Variants in CD2AP observed in about 807,000 individuals in gnomAD.
CD2AP encodes CD2 associated protein.
CD2AP carries 46 observed loss-of-function variants against 85.1 expected under a neutral mutation model. That is an observed-to-expected ratio of 0.54 (90% confidence interval 0.43 to 0.69). The LOEUF (loss-of-function observed/expected upper bound fraction) is 0.69. Among genes scored for constraint, CD2AP ranks in the 30% least tolerant of loss-of-function variants. The probability of loss-of-function intolerance (pLI) is 0.00; values close to 1 mark genes in which losing one functional copy is unlikely to be tolerated. For synonymous variants in CD2AP, 255 were observed against 252.9 expected, an observed-to-expected ratio of 1.01 and a Z score of -0.08; for missense variants, 769 against 729.5, an observed-to-expected ratio of 1.05 and a Z score of -0.62.
At position 47,541,225 on chromosome 6, in the gene CD2AP, G is replaced by T. The variant is rs1405951731; in HGVS notation, c.320-3381G>T. Among the ~76,000 whole-genome samples the T allele has an allele frequency of 2.6e-5, 4 of 152,270 alleles. No homozygotes were observed. In the East Asian group the frequency reaches 7.7e-4, roughly 29 times the overall value. On this transcript the variant is annotated intron_variant, in intron 3 of 17. Transcript: ENST00000359314. ...TGCAAGCTCCGCTTCCCAGGTTCAT[G>T]CCATCCTCCTGCCTCAGCCTCCTGA...
intron 2 of CD2AP, among the ~76,000 whole-genome samples, chr6:47,529,945 C>T (rs796379051): frequency 5.9e-5 from 9 of 152,316 alleles, no homozygotes; most frequent in African/African-American, 2.2e-4. Flanking sequence ...TGTCTTCATT[C>T]CTCAGAAGCT....
intron 15 of CD2AP, among the ~76,000 whole-genome samples, 196 bp downstream of exon 15, chr6:47,608,224 A>G (rs984752032): frequency 2.0e-5 from 3 of 152,184 alleles, no homozygotes; most frequent in African/African-American, 7.2e-5. Context: ...TTACATTTTA[A>G]TTGAATAAAA....
intron 5 of CD2AP, among the ~76,000 whole-genome samples, chr6:47,563,551 G>T (rs1388933890): frequency 6.6e-6 from 1 of 152,122 alleles, no homozygotes; most frequent in East Asian, 1.9e-4. Flanking sequence ...GCAGGGTGGG[G>T]ATATGTAATT....
At chr6:47,614,252 C>T (rs940351741) in intron 17 of CD2AP, among the ~76,000 whole-genome samples, 5 of 152,214 alleles carry the variant, frequency 3.3e-5, no homozygotes, top group African/African-American at 1.2e-4. Flanking sequence ...AATCTCTTGA[C>T]CTGCTGTGGC....
In CD2AP at chr6:47,596,006, T is replaced by A; in HGVS notation, c.1254T>A (p.Pro418=). ...CAAAGCGACCTGAAAAACCAGTTCC[T>A]CCACCACCTCCTATAGCCAAGTAAG... ...VYPKRPEKPV[P]PPPPIAKING... is the part of the protein sequence containing the mutation. The change falls in exon 12 of 18, where the codon CCT becomes CCA. Residue 418 remains proline, a synonymous_variant. Transcript: ENST00000359314. 6.2e-7 allele frequency: 1 copy of A among 1,612,312 alleles called. No homozygotes were observed. Among genetic ancestry groups the A allele is most frequent in the Non-Finnish European group, 8.5e-7 (1 of 1,178,590 alleles).
At chr6:47,583,292 T>A (rs893603427) in intron 11 of CD2AP, among the ~76,000 whole-genome samples, 6 of 152,200 alleles carry the variant, frequency 3.9e-5, no homozygotes, top group Non-Finnish European at 7.3e-5. Flanking sequence ...GTCCATAGTT[T>A]CCTTTAGTGT....
chr6:47,574,121 C>A lies in CD2AP; in HGVS notation c.599C>A (p.Thr200Asn). ...PIPSLGNVSE[T>N]ASGSVTQPKK... Reference sequence around the variant, plus strand: ...CCTTCTCTGGGAAATGTGAGTGAAACTGCATCTGGATCAGTTACACAGCCA... The same window carrying A: ...CCTTCTCTGGGAAATGTGAGTGAAAATGCATCTGGATCAGTTACACAGCCA... The change falls in exon 6 of 18, where the codon ACT becomes AAT. Residue 200 changes from threonine (T) to asparagine (N), a missense_variant. Physicochemically the swap from Thr to Asn is moderately conservative, Grantham distance 65. Coordinates refer to ENST00000359314, the MANE Select transcript of CD2AP (RefSeq NM_012120.3). The A allele has an allele frequency of 6.2e-7, 1 of 1,613,966 alleles. No homozygotes were observed. Among genetic ancestry groups the A allele is most frequent in the Non-Finnish European group, 8.5e-7 (1 of 1,179,920 alleles).
At chr6:47,574,276 T>G in intron 6 of CD2AP, 25 bp downstream of exon 6, 4 of 1,577,064 alleles carry the variant, frequency 2.5e-6, no homozygotes, top group Non-Finnish European at 3.5e-6. Flanking sequence ...CTTGTTAGAT[T>G]AACTCCACTC....
At chr6:47,549,091 A>G (rs111957082) in intron 4 of CD2AP, among the ~76,000 whole-genome samples, 2,703 of 152,302 alleles carry the variant, frequency 0.018, 35 homozygotes, top group Non-Finnish European at 0.029. Context: ...ACCACAGCCA[A>G]CATAATACTG....
intron 4 of CD2AP, 88 bp from the exon 5 acceptor site, chr6:47,554,558 G>A: frequency 1.4e-6 from 2 of 1,397,890 alleles, no homozygotes; most frequent in Non-Finnish European, 1.0e-6. Context: ...TTTTGTGCCT[G>A]TTTGCTTTTG....
chr6:47,480,213 A>C (rs1251074898), intron 1 of CD2AP, among the ~76,000 whole-genome samples: 1 of 152,190 alleles, frequency 6.6e-6, no homozygotes, highest in Non-Finnish European at 1.5e-5. Context: ...ACATTTCCAT[A>C]TCAATATATA....
chr6:47,592,897 T>A (rs1768841006), intron 11 of CD2AP, among the ~76,000 whole-genome samples: 1 of 152,178 alleles, frequency 6.6e-6, no homozygotes, highest in Non-Finnish European at 1.5e-5. Context: ...TCCTGAGTTC[T>A]GTGAGCTCTT....
intron 2 of CD2AP, among the ~76,000 whole-genome samples, chr6:47,524,220 GA>G (rs749639056): frequency 6.6e-6 from 1 of 152,100 alleles, no homozygotes; most frequent in African/African-American, 2.4e-5. Flanking sequence ...CACTACTGTA[GA>G]AATAAGGTAA....
At chr6:47,539,310 G>C (rs1767141339) in intron 3 of CD2AP, among the ~76,000 whole-genome samples, 1 of 152,204 alleles carries the variant, frequency 6.6e-6, no homozygotes, top group Admixed American at 6.5e-5. Context: ...AGGTAATTTT[G>C]TACTGGGGTT....
At chr6:47,532,547 C>T (rs186916836) in intron 2 of CD2AP, among the ~76,000 whole-genome samples, 73 of 152,026 alleles carry the variant, frequency 4.8e-4, no homozygotes, top group African/African-American at 1.6e-3. Flanking sequence ...TTCCATCTTT[C>T]CTCATTTTTT....
intron 17 of CD2AP, among the ~76,000 whole-genome samples, chr6:47,614,893 G>A (rs761783895): frequency 1.3e-5 from 2 of 152,130 alleles, no homozygotes; most frequent in Non-Finnish European, 2.9e-5. Flanking sequence ...AAACTTAAGA[G>A]TTTATCTTAA....
rs1158370658 is a variant in CD2AP, at chr6:47,565,929, T to A, written c.542-8135T>A. Among the ~76,000 whole-genome samples the A allele has an allele frequency of 2.0e-5, 3 of 152,290 alleles. No homozygotes were observed. The East Asian group carries it at 5.8e-4, about 29-fold the overall frequency. On this transcript the variant is annotated intron_variant, in intron 5 of 17. Coordinates refer to ENST00000359314, the MANE Select transcript of CD2AP (RefSeq NM_012120.3). Reference sequence around the variant, plus strand: ...TTTAAAATGGCTACAAATCCCTCTATGATCTGGCATCCCCATATCCCTCCC... The same window carrying A: ...TTTAAAATGGCTACAAATCCCTCTAAGATCTGGCATCCCCATATCCCTCCC...
At chr6:47,513,362 T>G (rs1199141292) in intron 2 of CD2AP, among the ~76,000 whole-genome samples, 2 of 152,152 alleles carry the variant, frequency 1.3e-5, no homozygotes, top group Non-Finnish European at 2.9e-5. Context: ...TTGGGCAGTC[T>G]AAGTTATTGC....
intron 1 of CD2AP, among the ~76,000 whole-genome samples, chr6:47,483,662 T>G (rs1384551513): frequency 6.6e-6 from 1 of 152,222 alleles, no homozygotes; most frequent in Non-Finnish European, 1.5e-5. Context: ...TAGCTGAATC[T>G]GTAAGTGTGG....
Sources: allele counts gnomAD v4.1 joint callset (sites outside exome capture counted in the v4.1 genomes callset), GRCh38; gene constraint gnomAD v4.1.1; transcripts MANE v1.5; gene names NCBI Gene and HGNC (gene_info 2026-07-23, HGNC 2026-07-21).